The following ANKRD30A variants were observed in gnomAD, a reference collection of about 807,000 sequenced individuals.
ANKRD30A encodes the protein ankyrin repeat domain-containing protein 30A.
ANKRD30A carries 170 observed loss-of-function variants against 166.3 expected under a neutral mutation model. The ratio of observed to expected loss-of-function variants is 1.02; its 90% CI spans 0.90 to 1.16. ANKRD30A has a LOEUF of 1.16. Ranked by LOEUF, ANKRD30A falls within the 50% of genes most tolerant of loss-of-function variation. The probability of loss-of-function intolerance (pLI) is 0.00; values close to 1 mark genes in which losing one functional copy is unlikely to be tolerated. For missense variants in ANKRD30A, 1,630 were observed against 1,518.0 expected (o/e 1.07, Z -1.23); for synonymous variants, 564 against 508.9 (o/e 1.11, Z -1.46).
chr10:37,200,535 G>A (rs1207699578), intron 30 of ANKRD30A, among the ~76,000 whole-genome samples: 3 of 151,940 alleles, frequency 2.0e-5, no homozygotes, highest in African/African-American at 7.2e-5. Context: ...AACAGCAAAG[G>A]GTGGAAGTCA....
chr10:37,166,785 A>G, intron 19 of ANKRD30A, 90 bp downstream of exon 19: 1 of 1,563,502 alleles, frequency 6.4e-7, no homozygotes, highest in Non-Finnish European at 8.6e-7. Context: ...GAAGAAAATT[A>G]CCTCCTAAAT....
chr10:37,195,521 T>C (rs1841003084), intron 27 of ANKRD30A, among the ~76,000 whole-genome samples: 1 of 152,218 alleles, frequency 6.6e-6, no homozygotes, highest in East Asian at 1.9e-4. Flanking sequence ...CCAGCAGTTT[T>C]ATATTTAAAG....
chr10:37,138,035 A>G (rs564183876), intron 6 of ANKRD30A, among the ~76,000 whole-genome samples: 1 of 152,202 alleles, frequency 6.6e-6, no homozygotes, highest in South Asian at 2.1e-4. Context: ...CAAAACTTCC[A>G]CAGGAATGAT....
chr10:37,229,178 G>A (rs1293109150), intron 34 of ANKRD30A, among the ~76,000 whole-genome samples: 4 of 151,910 alleles, frequency 2.6e-5, no homozygotes, highest in Non-Finnish European at 4.4e-5. Context: ...TATGGTAAGA[G>A]GTATACCGTG....
intron 6 of ANKRD30A, among the ~76,000 whole-genome samples, chr10:37,139,717 T>G (rs1836969158): frequency 6.6e-6 from 1 of 152,160 alleles, no homozygotes; most frequent in Non-Finnish European, 1.5e-5. Flanking sequence ...AGAAACATGG[T>G]TTTATTGATT....
chr10:37,220,246 G>A (rs1185179173), intron 34 of ANKRD30A, among the ~76,000 whole-genome samples: 3 of 150,312 alleles, frequency 2.0e-5, no homozygotes, highest in South Asian at 2.1e-4. Flanking sequence ...GTCTCTTTGT[G>A]GCCACATTTT....
rs757334629 is a variant in ANKRD30A, at chr10:37,152,092, G to C, written c.1678G>C (p.Asp560His). ...GTTCCCACCAGAATCCAAACAAAAG[G>C]ACTATGAAGAAAATTCTTGGGATTC... ...PMFPPESKQK[D>H]YEENSWDSES... The change falls in exon 12 of 36, where the codon GAC becomes CAC. Residue 560 changes from aspartate (D) to histidine (H), a missense_variant. This residue lies in a region of ANKRD30A where 904 missense variants were observed against 818.5 expected (regional missense o/e 1.10). Transcript: ENST00000361713. 14 of 1,609,268 alleles carry C rather than the reference G, an allele frequency of 8.7e-6. No individual in the cohort carries two copies. Among genetic ancestry groups the C allele is most frequent in the South Asian group, 1.1e-5 (1 of 90,300 alleles).
Position 37,231,467 on chromosome 10 carries a change from T to C in ANKRD30A, c.4192T>C (p.Ter1398ArgextTer62), listed in dbSNP as rs1221498074. The C allele has an allele frequency of 6.3e-7, 1 of 1,587,876 alleles. No individual in the cohort carries two copies. The highest frequency in any genetic ancestry group is 8.6e-7 in the Non-Finnish European group (1 of 1,165,518). Reference protein sequence around the residue: ...EKEKAETENS* With the variant: ...EKEKAETENSR Reference sequence around the variant, plus strand: ...CCTTTTGCAATCTTCACAGAACTCATGAGAGACAAGCAGTAAGAAACTTCT... The same window carrying C: ...CCTTTTGCAATCTTCACAGAACTCACGAGAGACAAGCAGTAAGAAACTTCT... Residue 1398 changes from the stop codon to arginine, a stop_lost, in exon 35 of 36, where the codon TGA becomes CGA. Coordinates refer to ENST00000361713, the MANE Select transcript of ANKRD30A (RefSeq NM_052997.3).
At chr10:37,153,192 T>G (rs17606131) in intron 12 of ANKRD30A, among the ~76,000 whole-genome samples, 9 of 148,454 alleles carry the variant, frequency 6.1e-5, no homozygotes, top group African/African-American at 2.2e-4. Context: ...GTATGTGTCC[T>G]GGCAAGTAGC....
intron 27 of ANKRD30A, among the ~76,000 whole-genome samples, chr10:37,195,904 A>G (rs1373807473): frequency 1.3e-5 from 2 of 152,138 alleles, no homozygotes; most frequent in African/African-American, 4.8e-5. Flanking sequence ...CAGGGTCAAG[A>G]GAATGCATTA....
Position 37,141,721 on chromosome 10 carries a change from G to A in ANKRD30A, c.824G>A (p.Gly275Glu), listed in dbSNP as rs1455673314. 28 of 1,611,736 alleles carry A rather than the reference G, an allele frequency of 1.7e-5. No individual in the cohort carries two copies. Among genetic ancestry groups the A allele is most frequent in the Non-Finnish European group, 2.3e-5 (27 of 1,179,844 alleles). ...AACCAGATTGTGTGTTTGGCAGAAG[G>A]AACATCTGCAGGAACACCTGATGAG... ...SKNHQNTNPEGTSAGTPDEAA... is the reference protein window; with the variant it reads ...SKNHQNTNPEETSAGTPDEAA... Residue 275 changes from glycine (G) to glutamate (E), a missense_variant, in exon 7 of 36, where the codon GGA (glycine) becomes GAA (glutamate). Transcript: ENST00000361713.
chr10:37,196,218 G>C (rs1390072307), intron 27 of ANKRD30A, among the ~76,000 whole-genome samples: 1 of 150,898 alleles, frequency 6.6e-6, no homozygotes, highest in Non-Finnish European at 1.5e-5. Context: ...CACTTCAGAT[G>C]CATGTAGATT....
At chr10:37,152,952 C>T (rs909454053) in intron 12 of ANKRD30A, among the ~76,000 whole-genome samples, 8 of 152,036 alleles carry the variant, frequency 5.3e-5, no homozygotes, top group African/African-American at 1.4e-4. Flanking sequence ...TTAGATGTGA[C>T]GTAATTTTTT....
intron 6 of ANKRD30A, among the ~76,000 whole-genome samples, chr10:37,136,996 C>T (rs909857575): frequency 4.0e-5 from 6 of 151,760 alleles, no homozygotes; most frequent in South Asian, 4.1e-4. Flanking sequence ...GTATAAATAA[C>T]GCAAGTTTTA....
intron 31 of ANKRD30A, among the ~76,000 whole-genome samples, chr10:37,202,514 A>G (rs1303961785): frequency 6.6e-6 from 1 of 152,226 alleles, no homozygotes; most frequent in Non-Finnish European, 1.5e-5. Context: ...TTATAGCACT[A>G]AATGCCCACA....
At chr10:37,178,402 A>C (rs1839901785) in intron 24 of ANKRD30A, 1 of 559,350 alleles carries the variant, frequency 1.8e-6, no homozygotes. Flanking sequence ...AGTCAGCTGA[A>C]AACCTTGTTA....
the ANKRD30A span, among the ~76,000 whole-genome samples, chr10:37,263,010 AAATCT>A: frequency 6.6e-6 from 1 of 152,274 alleles, no homozygotes; most frequent in African/African-American, 2.4e-5. Flanking sequence ...CTATGCCTTA[AAATCT>A]AATTCAACAA....
At chr10:37,126,194 G>T (rs1376717912) in intron 1 of ANKRD30A, among the ~76,000 whole-genome samples, 186 bp downstream of exon 1, 1 of 152,212 alleles carries the variant, frequency 6.6e-6, no homozygotes, top group Non-Finnish European at 1.5e-5. Context: ...CCAGGCTTGG[G>T]ATGCGGGGTC....
chr10:37,161,281 CT>C (rs1564508986), intron 15 of ANKRD30A, among the ~76,000 whole-genome samples: 1 of 151,930 alleles, frequency 6.6e-6, no homozygotes, highest in Admixed American at 6.6e-5. Context: ...CATTATATTG[CT>C]TTTATTTCTG....
Sources: gnomAD v4.1 joint callset for allele counts (sites outside exome capture counted in the v4.1 genomes callset) on GRCh38, gnomAD v4.1.1 for gene constraint, gnomAD v4.1.1 regional missense constraint, MANE v1.5 for transcripts, NCBI Gene and HGNC (gene_info 2026-07-23, HGNC 2026-07-21) for gene names.